The following RHOQ variants were observed in gnomAD, a reference collection of about 807,000 sequenced individuals.
RHOQ encodes rho-related GTP-binding protein RhoQ.
In RHOQ, 7 loss-of-function variants were observed where a neutral mutation model predicts 25.8. That is an observed-to-expected ratio of 0.27 (90% CI 0.15 to 0.51). The LOEUF is 0.51. Ranked by LOEUF, RHOQ falls within the 20% of genes least tolerant of loss-of-function variation. RHOQ has a pLI of 0.97. For missense variants in RHOQ, 165 were observed against 260.6 expected, an observed-to-expected ratio of 0.63 and a Z score of 2.53; for synonymous variants, 97 against 98.6, an observed-to-expected ratio of 0.98 and a Z score of 0.10.
chr2:46,546,961 C>G (rs1044472279), intron 2 of RHOQ, among the ~76,000 whole-genome samples: 2 of 152,110 alleles, frequency 1.3e-5, no homozygotes, highest in Admixed American at 6.5e-5. Flanking sequence ...TTGTGGGATC[C>G]ATGGTTCCAA....
At chr2:46,567,447 G>A (rs1668770289) in intron 2 of RHOQ, among the ~76,000 whole-genome samples, 1 of 151,330 alleles carries the variant, frequency 6.6e-6, no homozygotes, top group African/African-American at 2.4e-5. Flanking sequence ...AGGCTGGAGT[G>A]CAGTGGCATG....
intron 2 of RHOQ, among the ~76,000 whole-genome samples, chr2:46,559,771 C>A (rs1668515667): frequency 6.6e-6 from 1 of 152,148 alleles, no homozygotes; most frequent in Non-Finnish European, 1.5e-5. Context: ...ATTGGGGAAC[C>A]TGTAGGGTTA....
intron 2 of RHOQ, among the ~76,000 whole-genome samples, chr2:46,550,209 C>G (rs1458327221): frequency 2.0e-5 from 3 of 151,070 alleles, no homozygotes; most frequent in Admixed American, 1.3e-4. Context: ...TGCACTCCAG[C>G]CTAGGCATTA....
intron 2 of RHOQ, 93 bp downstream of exon 2, chr2:46,543,905 G>C (rs1282765545): frequency 2.8e-6 from 3 of 1,084,638 alleles, no homozygotes; most frequent in Non-Finnish European, 4.1e-6. Context: ...GTCTAGGTGG[G>C]AGGGTGTGTC....
chr2:46,581,929 T>A lies in RHOQ; in HGVS notation c.*846T>A. 5.1e-6 allele frequency: 1 copy of A among 195,102 alleles called. No individual in the cohort carries two copies. The highest frequency in any genetic ancestry group is 8.5e-5 in the South Asian group (1 of 11,700). 12.1% of individuals were successfully genotyped at this position (195,102 alleles called of 1,614,324 possible). On this transcript the variant is annotated 3_prime_UTR_variant, in exon 5 of 5. Transcript: ENST00000238738. ...GCTCTCTGAACTAGTTGGTAATTTT[T>A]TTTTTTTAATTCCCACTTTGGCTGT...
rs1483404715 is a variant in RHOQ, at chr2:46,576,567, C to T, written c.373C>T (p.Leu125Phe). The T allele has an allele frequency of 6.3e-7, 1 of 1,591,894 alleles. No individual in the cohort carries two copies. The highest frequency in any genetic ancestry group is 1.7e-5 in the Admixed American group (1 of 58,660). The change falls in exon 4 of 5, where the codon CTC (leucine) becomes TTC (phenylalanine). Residue 125 changes from leucine (L) to phenylalanine (F), a missense_variant. By Grantham distance (22) the Leu-to-Phe change is conservative (BLOSUM62 0). Coordinates refer to ENST00000238738, the MANE Select transcript of RHOQ (RefSeq NM_012249.4). This position sits in a 1 kb window ranked among gnomAD's most constrained non-coding sequence, Gnocchi z 5.1. Reference protein sequence around the residue: ...PFLLIGTQIDLRDDPKTLARL... With the variant: ...PFLLIGTQIDFRDDPKTLARL... Reference sequence around the variant, plus strand: ...ATTGACCTTTCTTAATTAGATTGATCTCCGAGATGACCCCAAAACTTTAGC... The same window carrying T: ...ATTGACCTTTCTTAATTAGATTGATTTCCGAGATGACCCCAAAACTTTAGC...
In RHOQ at chr2:46,576,435, T is replaced by A; in HGVS notation, c.367-126T>A. On this transcript the variant is annotated intron_variant, in intron 3 of 4. Coordinates refer to ENST00000238738, the MANE Select transcript of RHOQ (RefSeq NM_012249.4). The surrounding 1 kb of genome is among the most constrained non-coding windows in gnomAD (Gnocchi z 5.1). ...CAAAAGAAAGCAATTATTTTCCTGG[T>A]TTTTAAAAATTAAGTTCTTTTGTTT... 1.1e-6 allele frequency: 1 copy of A among 903,314 alleles called. No individual in the cohort carries two copies. The allele number at this position is 903,314 out of a possible 1,614,324, so 56.0% of individuals were successfully genotyped here.
intron 2 of RHOQ, chr2:46,572,932 A>T (rs1668983048): frequency 3.0e-6 from 1 of 330,728 alleles, no homozygotes; most frequent in Admixed American, 3.9e-5. Context: ...TATGTGATGC[A>T]TATGAACCAT....
rs1244086503 is a variant in RHOQ at position 46,555,714 on chromosome 2, T to C, written c.201+11902T>C. On this transcript the variant is annotated intron_variant, in intron 2 of 4. Transcript: ENST00000238738. This position sits in a 1 kb window ranked among gnomAD's most constrained non-coding sequence, Gnocchi z 4.3. ...CTGTTCTCCAGCAAGTCTAGACCTG[T>C]AGGAGTCCTTCACTGGGCTTTATGT... Among the ~76,000 whole-genome samples the C allele has an allele frequency of 6.6e-6, 1 of 152,228 alleles. No individual in the cohort carries two copies. The highest frequency in any genetic ancestry group is 2.4e-5 in the African/African-American group (1 of 41,460).
In RHOQ at chr2:46,543,124, C is replaced by T. The variant is rs757590287; in HGVS notation, c.78C>T (p.Leu26=). 1 of 1,611,812 alleles carries T rather than the reference C, an allele frequency of 6.2e-7. No individual in the cohort carries two copies. The highest frequency in any genetic ancestry group is 8.5e-7 in the Non-Finnish European group (1 of 1,179,138). ...GDGAVGKTCL[L]MSYANDAFPE... Reference sequence around the variant, plus strand: ...GGGCGGTGGGCAAGACGTGCCTACTCATGAGCTATGCCAACGACGCCTTCC... The same window carrying T: ...GGGCGGTGGGCAAGACGTGCCTACTTATGAGCTATGCCAACGACGCCTTCC... The change falls in exon 1 of 5, where the codon CTC becomes CTT. Residue 26 remains leucine (L), a synonymous_variant. Coordinates refer to ENST00000238738, the MANE Select transcript of RHOQ (RefSeq NM_012249.4).
At chr2:46,559,271 T>TA (rs1393768314) in intron 2 of RHOQ, among the ~76,000 whole-genome samples, 2 of 152,190 alleles carry the variant, frequency 1.3e-5, no homozygotes, top group Non-Finnish European at 2.9e-5. Flanking sequence ...TTTGGAATTA[T>TA]AGGCATGAGC....
chr2:46,566,924 A>C lies in RHOQ; in HGVS notation c.202-9163A>C, dbSNP rs1558689047. Among the ~76,000 whole-genome samples, 4 of 151,968 alleles carry C rather than the reference A, an allele frequency of 2.6e-5. No homozygotes were observed. Among genetic ancestry groups the C allele is most frequent in the Non-Finnish European group, 5.9e-5 (4 of 67,996 alleles). ...GAACCTGGCTCTTTTCCTTCATAGC[A>C]CCTGTCCCAATTTGCATTTATAGTC... On this transcript the variant is annotated intron_variant, in intron 2 of 4. Transcript: ENST00000238738. The surrounding 1 kb of genome is among the most constrained non-coding windows in gnomAD (Gnocchi z 4.2).
Position 46,569,879 on chromosome 2 carries a change from G to A in RHOQ, c.202-6208G>A, listed in dbSNP as rs1668856804. Among the ~76,000 whole-genome samples, 2 of 152,134 alleles carry A rather than the reference G, an allele frequency of 1.3e-5. No homozygotes were observed. The highest frequency in any genetic ancestry group is 4.8e-5 in the African/African-American group (2 of 41,444). On this transcript the variant is annotated intron_variant, in intron 2 of 4. Transcript: ENST00000238738. This position sits in a 1 kb window ranked among gnomAD's most constrained non-coding sequence, Gnocchi z 4.1. ...TTTTTGAAAAACAGTGACCTCTTAA[G>A]AATTTATAGCACCTAAAAAAACCTT... is the stretch of plus-strand genomic sequence containing the variant.
chr2:46,553,315 C>CT (rs936927025), intron 2 of RHOQ, among the ~76,000 whole-genome samples: 13 of 151,124 alleles, frequency 8.6e-5, no homozygotes, highest in South Asian at 4.2e-4. Context: ...TTATTTTATT[C>CT]TTTTTTTTAT....
chr2:46,566,117 C>T lies in RHOQ; in HGVS notation c.202-9970C>T, dbSNP rs907761967. Among the ~76,000 whole-genome samples, 7 of 152,200 alleles carry T rather than the reference C, an allele frequency of 4.6e-5. No individual in the cohort carries two copies. The highest frequency in any genetic ancestry group is 1.0e-4 in the Non-Finnish European group (7 of 68,042). On this transcript the variant is annotated intron_variant, in intron 2 of 4. Transcript: ENST00000238738. The surrounding 1 kb of genome is among the most constrained non-coding windows in gnomAD (Gnocchi z 4.2). Reference sequence around the variant, plus strand: ...GTTAGGGGTTGATCCTGAGAACTTTCAGGTTTCTGGCTTGTGCACCCTGAT... The same window carrying T: ...GTTAGGGGTTGATCCTGAGAACTTTTAGGTTTCTGGCTTGTGCACCCTGAT...
chr2:46,542,768 C>T lies in RHOQ; in HGVS notation c.-279C>T, dbSNP rs1444652049. 6.8e-6 allele frequency: 1 copy of T among 147,068 alleles called. No homozygotes were observed. Among genetic ancestry groups the T allele is most frequent in the African/African-American group, 2.4e-5 (1 of 40,848 alleles). The allele number at this position is 147,068 out of a possible 1,614,324, so 9.1% of individuals were successfully genotyped here. A position where few individuals can be genotyped will look rare whatever the true frequency, so the allele number is the denominator to read the frequency against. On this transcript the variant is annotated 5_prime_UTR_variant, in exon 1 of 5. Coordinates refer to ENST00000238738, the MANE Select transcript of RHOQ (RefSeq NM_012249.4). ...GGCGGATCCTCCTGGGGAGGCCGGG[C>T]CGGGGAGAGGGCGCGGGCGCCGAGT...
intron 4 of RHOQ, chr2:46,580,559 T>C (rs1253927181): frequency 6.3e-6 from 1 of 158,764 alleles, no homozygotes; most frequent in African/African-American, 2.4e-5. Flanking sequence ...CCCCACAGCA[T>C]TTGCAACCAT....
intron 2 of RHOQ, among the ~76,000 whole-genome samples, chr2:46,547,558 G>C (rs1389134720): frequency 1.3e-5 from 2 of 152,210 alleles, no homozygotes; most frequent in African/African-American, 4.8e-5. Flanking sequence ...CCCTCTGTTG[G>C]CCAAGCCCAT....
In RHOQ at chr2:46,581,703, G is replaced by A. The variant is rs1346869410; in HGVS notation, c.*620G>A. On this transcript the variant is annotated 3_prime_UTR_variant, in exon 5 of 5. Transcript: ENST00000238738. Reference sequence around the variant, plus strand: ...AGCTTAATGTGCTTTCTTAAAGAATGCCAAAAGTGTAATAAGGTCATAACT... The same window carrying A: ...AGCTTAATGTGCTTTCTTAAAGAATACCAAAAGTGTAATAAGGTCATAACT... 15 of 1,431,066 alleles carry A rather than the reference G, an allele frequency of 1.0e-5. No homozygotes were observed. Among genetic ancestry groups the A allele is most frequent in the Non-Finnish European group, 1.4e-5 (15 of 1,071,836 alleles). 88.6% of individuals were successfully genotyped at this position (1,431,066 alleles called of 1,614,324 possible).
Sources: gnomAD v4.1 joint callset for allele counts (sites outside exome capture counted in the v4.1 genomes callset) on GRCh38, gnomAD v4.1.1 for gene constraint, Gnocchi (gnomAD v3.1) non-coding constraint, MANE v1.5 for transcripts, NCBI Gene and HGNC (gene_info 2026-07-23, HGNC 2026-07-21) for gene names.